OR10H1: variants seen among roughly 807,000 people sequenced by gnomAD.
OR10H1 encodes olfactory receptor 10H1.
In OR10H1, 12 loss-of-function variants were observed where a neutral mutation model predicts 13.1. The ratio of observed to expected loss-of-function variants is 0.92; its 90% CI spans 0.59 to 1.48. The LOEUF is 1.48. Ranked by LOEUF, OR10H1 falls within the 40% of genes most tolerant of loss-of-function variation. OR10H1 has a pLI of 0.00. For missense variants in OR10H1, 363 were observed against 413.1 expected (o/e 0.88, Z 1.05); for synonymous variants, 168 against 175.6 (o/e 0.96, Z 0.34).
intron 1 of OR10H1, among the ~76,000 whole-genome samples, chr19:15,814,391 C>A (rs1189729080): frequency 6.6e-6 from 1 of 151,058 alleles, no homozygotes; most frequent in Non-Finnish European, 1.5e-5. Flanking sequence ...TCTCCATCTT[C>A]TCATCCCCAG....
rs1386075414 is a variant in OR10H1, at chr19:15,806,752, C to T, written c.*329G>A. On this transcript the variant is annotated 3_prime_UTR_variant, in exon 4 of 4. Coordinates refer to ENST00000641419, the MANE Select transcript of OR10H1 (RefSeq NM_013940.4). Reference sequence around the variant, plus strand: ...TTCTTTCTTTCTTTCTTCTTTGAGACAGTCTCACTCTGTCGCCCAGGCTGG... The same window carrying T: ...TTCTTTCTTTCTTTCTTCTTTGAGATAGTCTCACTCTGTCGCCCAGGCTGG... 9.0e-6 allele frequency: 2 copies of T among 221,198 alleles called. No homozygotes were observed. The highest frequency in any genetic ancestry group is 2.2e-4 in the East Asian group (2 of 8,914). The allele number at this position is 221,198 out of a possible 1,614,324, so 13.7% of individuals were successfully genotyped here.
rs1404231307 is a variant in OR10H1, at chr19:15,807,054, A to C, written c.*27T>G. The C allele has an allele frequency of 6.3e-7, 1 of 1,585,826 alleles. No homozygotes were observed. Among genetic ancestry groups the C allele is most frequent in the Non-Finnish European group, 8.6e-7 (1 of 1,160,144 alleles). On this transcript the variant is annotated 3_prime_UTR_variant, in exon 4 of 4. Coordinates refer to ENST00000641419, the MANE Select transcript of OR10H1 (RefSeq NM_013940.4). ...TTTTAACAATAGCCTTCGGTAATCC[A>C]ATTTAGTTGTTCCCAGTGAATTTCT... is the stretch of plus-strand genomic sequence containing the variant.
chr19:15,807,441 G>A lies in OR10H1; in HGVS notation c.597C>T (p.Gly199=), dbSNP rs61746476. The change falls in exon 4 of 4, where the codon GGC becomes GGT. Residue 199 remains glycine, a synonymous_variant. Transcript: ENST00000641419. The part of the protein sequence containing the change: ...CGDDVLVVAK[G]VGLVCITALL... The stretch of plus-strand genomic sequence containing the variant: ...GGGCCGTGATACACACCAAGCCCAC[G>A]CCTTTGGCCACCACCAGCACATCGT... 40 of 1,614,190 alleles carry A rather than the reference G, an allele frequency of 2.5e-5. No individual in the cohort carries two copies. Among genetic ancestry groups the A allele is most frequent in the Non-Finnish European group, 3.2e-5 (38 of 1,180,040 alleles).
rs35567686 is a variant in OR10H1 at position 15,809,261 on chromosome 19, A to ATTATTTAT, written c.-128-428_-128-421dup. Reference sequence around the variant, plus strand: ...TCCCTCCTCTGGCTGTTGTGTAATGATTATTTATTTATTTATTTATTTATG... The same window carrying ATTATTTAT: ...TCCCTCCTCTGGCTGTTGTGTAATGATTATTTATTTATTTATTTATTTATTTATTTATG... On this transcript the variant is annotated intron_variant, in intron 2 of 3. Transcript: ENST00000641419. 6.7e-3 allele frequency among the ~76,000 whole-genome samples: 871 copies of ATTATTTAT among 130,422 alleles called. 4 individuals carry two copies. Among genetic ancestry groups the ATTATTTAT allele is most frequent in the African/African-American group, 0.01 (328 of 31,572 alleles). The allele number at this position is 130,422 out of a possible 152,430, so 85.6% of individuals were successfully genotyped here. A position where few individuals can be genotyped will look rare whatever the true frequency, so the allele number is the denominator to read the frequency against.
chr19:15,806,729 C>T lies in OR10H1; in HGVS notation c.*352G>A, dbSNP rs2088896891. ...GGCTGGAACGTAATTTTCTTTTTTT[C>T]TTTCTTTCTTTCTTCTTTGAGACAG... is the stretch of plus-strand genomic sequence containing the variant. On this transcript the variant is annotated 3_prime_UTR_variant, in exon 4 of 4. Transcript: ENST00000641419. 5.1e-6 allele frequency: 1 copy of T among 195,822 alleles called. No individual in the cohort carries two copies. Among genetic ancestry groups the T allele is most frequent in the Admixed American group, 5.4e-5 (1 of 18,618 alleles). 12.1% of individuals were successfully genotyped at this position (195,822 alleles called of 1,614,324 possible). A position where few individuals can be genotyped will look rare whatever the true frequency, so the allele number is the denominator to read the frequency against.
chr19:15,809,282 TTATG>T (rs762010681), intron 2 of OR10H1, among the ~76,000 whole-genome samples: 4,002 of 62,158 alleles, frequency 0.064, 83 homozygotes, highest in Middle Eastern at 0.14. Context: ...ATTTATTTAT[TTATG>T]TATTTATTTA....
At chr19:15,808,196 G>A (rs943403773) in intron 3 of OR10H1, 148 bp from the exon 4 acceptor site, 2 of 652,518 alleles carry the variant, frequency 3.1e-6, no homozygotes, top group Non-Finnish European at 2.7e-6. Context: ...TAATACTCTC[G>A]TCAACCTAGT....
intron 1 of OR10H1, among the ~76,000 whole-genome samples, 199 bp downstream of exon 1, chr19:15,815,356 A>T (rs1233378278): frequency 6.9e-6 from 1 of 145,146 alleles, no homozygotes; most frequent in Non-Finnish European, 1.5e-5. Context: ...AAAAAAAAAA[A>T]AAATAGAAGA....
rs1367396169 is a variant in OR10H1, at chr19:15,805,096, G to C, written c.*1985C>G. 2.0e-5 allele frequency: 3 copies of C among 151,782 alleles called. No individual in the cohort carries two copies. The highest frequency in any genetic ancestry group is 7.3e-5 in the African/African-American group (3 of 41,298). The allele number at this position is 151,782 out of a possible 1,614,324, so 9.4% of individuals were successfully genotyped here. On this transcript the variant is annotated 3_prime_UTR_variant, in exon 4 of 4. Coordinates refer to ENST00000641419, the MANE Select transcript of OR10H1 (RefSeq NM_013940.4). ...TTGTTTTTTTCTTGTAAATTTGTTTGAGTTCATTGTAGATTCTGGATATTA... is the reference window on the plus strand; with the variant it reads ...TTGTTTTTTTCTTGTAAATTTGTTTCAGTTCATTGTAGATTCTGGATATTA...
chr19:15,811,850 A>T (rs150038409), intron 2 of OR10H1, among the ~76,000 whole-genome samples: 1 of 152,232 alleles, frequency 6.6e-6, no homozygotes, highest in East Asian at 1.9e-4. Context: ...TGACTTTGTT[A>T]TGATGTTTGC....
chr19:15,814,923 C>T (rs762296320), intron 1 of OR10H1, among the ~76,000 whole-genome samples: 13 of 152,132 alleles, frequency 8.5e-5, no homozygotes, highest in Admixed American at 7.2e-4. Context: ...CTGGACAGAC[C>T]GAGAAGAGAG....
At position 15,814,430 on chromosome 19, in the gene OR10H1, C is replaced by T. The variant is rs189948758; in HGVS notation, c.-778+1125G>A. 2.1e-3 allele frequency among the ~76,000 whole-genome samples: 310 copies of T among 150,356 alleles called. 5 individuals carry two copies. Among genetic ancestry groups the T allele is most frequent in the African/African-American group, 7.0e-3 (287 of 40,908 alleles). On this transcript the variant is annotated intron_variant, in intron 1 of 3. Transcript: ENST00000641419. ...CTAACCATTCCCTCACCACCTGCTC[C>T]CATTGACGCCTCCCTTGTGTGTGTG...
At chr19:15,808,243 A>T (rs2088914565) in intron 3 of OR10H1, 195 bp from the exon 4 acceptor site, 1 of 583,406 alleles carries the variant, frequency 1.7e-6, no homozygotes. Context: ...CTTTTGAAGT[A>T]CCTTGAGCAT....
rs553456280 is a variant in OR10H1 at position 15,808,218 on chromosome 19, T to C, written c.-11-170A>G. 3 of 611,030 alleles carry C rather than the reference T, an allele frequency of 4.9e-6. No individual in the cohort carries two copies. In the South Asian group the frequency reaches 6.5e-5, roughly 13 times the overall value. 37.9% of individuals were successfully genotyped at this position (611,030 alleles called of 1,614,324 possible). A position where few individuals can be genotyped will look rare whatever the true frequency, so the allele number is the denominator to read the frequency against. ...CTCGTCAACCTAGTGAGAACGGTACTATTTTTTCAACCCCCTTTTGAAGTA... is the reference window on the plus strand; with the variant it reads ...CTCGTCAACCTAGTGAGAACGGTACCATTTTTTCAACCCCCTTTTGAAGTA... On this transcript the variant is annotated intron_variant, in intron 3 of 3. Transcript: ENST00000641419.
At position 15,807,619 on chromosome 19, in the gene OR10H1, C is replaced by G. The variant is rs573474241; in HGVS notation, c.419G>C (p.Gly140Ala). The G allele has an allele frequency of 2.5e-6, 4 of 1,614,202 alleles. No individual in the cohort carries two copies. The South Asian group carries it at 4.4e-5, about 18-fold the overall frequency. The part of the protein sequence containing the change: ...LRYNVLMSPR[G>A]CACLVGCSWA... ...GGAGCAGCCCACCAGGCAGGCGCAG[C>G]CCCGCGGGCTCATGAGCACGTTGTA... The change falls in exon 4 of 4, where the codon GGC (glycine) becomes GCC (alanine). Residue 140 changes from glycine (G) to alanine (A), a missense_variant. Physicochemically the swap from Gly to Ala is moderately conservative, Grantham distance 60. Transcript: ENST00000641419.
chr19:15,805,713 G>T lies in OR10H1; in HGVS notation c.*1368C>A, dbSNP rs954383569. 6.6e-6 allele frequency: 1 copy of T among 152,480 alleles called. No individual in the cohort carries two copies. Among genetic ancestry groups the T allele is most frequent in the South Asian group, 2.1e-4 (1 of 4,826 alleles). 9.4% of individuals were successfully genotyped at this position (152,480 alleles called of 1,614,324 possible). A position where few individuals can be genotyped will look rare whatever the true frequency, so the allele number is the denominator to read the frequency against. On this transcript the variant is annotated 3_prime_UTR_variant, in exon 4 of 4. Transcript: ENST00000641419. ...TCCACCCACCTTGGCCTCCCAAAGT[G>T]CTGGGATTACAGGCATGAGCCACTG...
rs1420886177 is a variant in OR10H1 at position 15,815,319 on chromosome 19, C to G, written c.-778+236G>C. ...TTGCGCCACTGCACTCCAGCCTGGG[C>G]TACAGAGCGAGATTCCGTCTCAAAA... On this transcript the variant is annotated intron_variant, in intron 1 of 3. Transcript: ENST00000641419. Among the ~76,000 whole-genome samples the G allele has an allele frequency of 8.3e-5, 12 of 144,160 alleles. No homozygotes were observed. The Admixed American group carries it at 8.4e-4, about 10-fold the overall frequency. The allele number at this position is 144,160 out of a possible 152,430, so 94.6% of individuals were successfully genotyped here.
chr19:15,804,794 C>T lies in OR10H1; in HGVS notation c.*2287G>A, dbSNP rs1411529845. ...CTAGTTCTAGATCCCTGAGGAATCG[C>T]CACACTGACTCCCACAATGGGGAAC... On this transcript the variant is annotated 3_prime_UTR_variant, in exon 4 of 4. Transcript: ENST00000641419. 6.6e-6 allele frequency: 1 copy of T among 152,194 alleles called. No individual in the cohort carries two copies. The highest frequency in any genetic ancestry group is 1.9e-4 in the East Asian group (1 of 5,196). 9.4% of individuals were successfully genotyped at this position (152,194 alleles called of 1,614,324 possible). A position where few individuals can be genotyped will look rare whatever the true frequency, so the allele number is the denominator to read the frequency against.
intron 2 of OR10H1, among the ~76,000 whole-genome samples, chr19:15,809,493 A>G (rs1216386381): frequency 6.6e-6 from 1 of 151,954 alleles, no homozygotes; most frequent in African/African-American, 2.4e-5. Context: ...GCATCTTGCT[A>G]TGTTGCCCAG....
Sources: allele counts gnomAD v4.1 joint callset (sites outside exome capture counted in the v4.1 genomes callset), GRCh38; gene constraint gnomAD v4.1.1; transcripts MANE v1.5; gene names NCBI Gene and HGNC (gene_info 2026-07-23, HGNC 2026-07-21).